The following BMPR1B variants were observed in gnomAD, a reference collection of about 807,000 sequenced individuals.
BMPR1B encodes bone morphogenetic protein receptor type-1B.
BMPR1B carries 12 observed loss-of-function variants against 59.1 expected under a neutral mutation model. The ratio of observed to expected loss-of-function variants is 0.20; its 90% CI spans 0.13 to 0.33. BMPR1B has a LOEUF of 0.33. Among genes scored for constraint, BMPR1B ranks in the 10% least tolerant of loss-of-function variants. The pLI is 1.00. For missense variants in BMPR1B, 550 were observed against 610.9 expected, an observed-to-expected ratio of 0.90 and a Z score of 1.05; for synonymous variants, 237 against 207.3, an observed-to-expected ratio of 1.14 and a Z score of -1.23.
intron 3 of BMPR1B, among the ~76,000 whole-genome samples, chr4:95,084,468 G>T (rs190362576): frequency 7.2e-4 from 110 of 152,220 alleles, no homozygotes; most frequent in African/African-American, 2.6e-3. Flanking sequence ...TAGGCAATGG[G>T]AGGTTAGATG....
At chr4:94,765,201 C>G (rs892150939) in intron 1 of BMPR1B, among the ~76,000 whole-genome samples, 9 of 152,092 alleles carry the variant, frequency 5.9e-5, no homozygotes, top group Admixed American at 4.6e-4. Context: ...GTGCTTTATA[C>G]TATTACCTAA....
At chr4:94,898,206 C>G (rs1727664791) in intron 2 of BMPR1B, among the ~76,000 whole-genome samples, 1 of 152,006 alleles carries the variant, frequency 6.6e-6, no homozygotes, top group Non-Finnish European at 1.5e-5. Context: ...CCTTCCTCAG[C>G]CTCCCAAGGG....
At chr4:95,083,418 CA>C (rs979877500) in intron 3 of BMPR1B, among the ~76,000 whole-genome samples, 9 of 149,992 alleles carry the variant, frequency 6.0e-5, no homozygotes, top group Non-Finnish European at 1.0e-4. Flanking sequence ...GTTGTAGAAG[CA>C]AAAAAAAATT....
intron 10 of BMPR1B, among the ~76,000 whole-genome samples, chr4:95,147,069 T>A (rs1287705625): frequency 6.6e-6 from 1 of 152,186 alleles, no homozygotes; most frequent in African/African-American, 2.4e-5. Flanking sequence ...GTTTTGTTTT[T>A]TAATTACACT....
At chr4:95,151,110 C>T (rs930615269) in intron 11 of BMPR1B, among the ~76,000 whole-genome samples, 8 of 152,202 alleles carry the variant, frequency 5.3e-5, no homozygotes, top group Non-Finnish European at 1.5e-5. Flanking sequence ...CAGATGTAGG[C>T]CTTTCCATCT....
chr4:95,037,119 G>T (rs1313908792), intron 3 of BMPR1B, among the ~76,000 whole-genome samples: 1 of 152,134 alleles, frequency 6.6e-6, no homozygotes, highest in African/African-American at 2.4e-5. Flanking sequence ...AGCTACAGAA[G>T]CTATGAAAGT....
chr4:94,873,919 C>T lies in BMPR1B; in HGVS notation c.-182-1912C>T, dbSNP rs554437137. Among the ~76,000 whole-genome samples the T allele has an allele frequency of 4.6e-5, 7 of 152,184 alleles. No homozygotes were observed. In the East Asian group the frequency reaches 1.4e-3, roughly 29 times the overall value. On this transcript the variant is annotated intron_variant, in intron 1 of 12. Coordinates refer to ENST00000515059, the MANE Select transcript of BMPR1B (RefSeq NM_001203.3). Reference sequence around the variant, plus strand: ...GAAACTCTGGATTAAGCCACAAGCCCCATTTTCTTTTCTTCACGTCCCTGG... The same window carrying T: ...GAAACTCTGGATTAAGCCACAAGCCTCATTTTCTTTTCTTCACGTCCCTGG...
intron 1 of BMPR1B, among the ~76,000 whole-genome samples, chr4:94,780,682 C>CTTTTTTTTTTTTTT (rs869117575): frequency 2.4e-5 from 2 of 82,342 alleles, no homozygotes; most frequent in Admixed American, 1.5e-4. Flanking sequence ...GTATTATTGT[C>CTTTTTTTTTTTTTT]TTTTTTTTTT....
At chr4:95,096,498 T>A (rs1730382548) in intron 3 of BMPR1B, among the ~76,000 whole-genome samples, 1 of 151,086 alleles carries the variant, frequency 6.6e-6, no homozygotes, top group African/African-American at 2.4e-5. Flanking sequence ...GTATTATTCC[T>A]TATAAGAATC....
At position 95,061,629 on chromosome 4, in the gene BMPR1B, G is replaced by GT. The variant is rs375775454; in HGVS notation, c.-17-42777dup. Reference sequence around the variant, plus strand: ...AGCGAAGAAAATGAAGCAGAAAGTTGTTAGGTGAATTGTTTAAAGTCTCAC... The same window carrying GT: ...AGCGAAGAAAATGAAGCAGAAAGTTGTTTAGGTGAATTGTTTAAAGTCTCAC... On this transcript the variant is annotated intron_variant, in intron 3 of 12. Transcript: ENST00000515059. 3.7e-3 allele frequency among the ~76,000 whole-genome samples: 558 copies of GT among 152,308 alleles called. 5 individuals carry two copies. Among genetic ancestry groups the GT allele is most frequent in the African/African-American group, 0.013 (542 of 41,578 alleles).
intron 2 of BMPR1B, among the ~76,000 whole-genome samples, chr4:94,907,210 A>C (rs1387365000): frequency 6.6e-6 from 1 of 152,062 alleles, no homozygotes; most frequent in Non-Finnish European, 1.5e-5. Flanking sequence ...GTGTATTCTG[A>C]CACACTCCTT....
At chr4:95,082,791 C>T (rs1729261472) in intron 3 of BMPR1B, among the ~76,000 whole-genome samples, 1 of 152,056 alleles carries the variant, frequency 6.6e-6, no homozygotes, top group South Asian at 2.1e-4. Context: ...GTAATCCCAG[C>T]ACTTTGGGAG....
At chr4:94,794,731 T>A (rs908705956) in intron 1 of BMPR1B, among the ~76,000 whole-genome samples, 1 of 152,018 alleles carries the variant, frequency 6.6e-6, no homozygotes, top group African/African-American at 2.4e-5. Flanking sequence ...AAGAGGTCCT[T>A]CACATCCCTT....
At chr4:94,885,532 A>T (rs551420194) in intron 2 of BMPR1B, among the ~76,000 whole-genome samples, 1 of 152,166 alleles carries the variant, frequency 6.6e-6, no homozygotes, top group Non-Finnish European at 1.5e-5. Flanking sequence ...TAACATATTT[A>T]TCACCAGGGA....
intron 2 of BMPR1B, among the ~76,000 whole-genome samples, chr4:94,941,550 G>T (rs558577830): frequency 2.7e-4 from 41 of 151,960 alleles, no homozygotes; most frequent in African/African-American, 8.9e-4. Context: ...ATTTTTATTT[G>T]CAAAATAAAG....
chr4:95,089,346 G>A (rs1335826256), intron 3 of BMPR1B, among the ~76,000 whole-genome samples: 2 of 151,992 alleles, frequency 1.3e-5, no homozygotes, highest in African/African-American at 4.8e-5. Flanking sequence ...TGTTTATTGG[G>A]AGAGCCCATA....
At chr4:95,023,499 G>A (rs762106995) in intron 3 of BMPR1B, among the ~76,000 whole-genome samples, 3 of 151,796 alleles carry the variant, frequency 2.0e-5, no homozygotes, top group African/African-American at 7.3e-5. Context: ...CTTCTGTCTC[G>A]GCATCCCAAA....
chr4:94,808,864 G>A (rs964959856), intron 1 of BMPR1B, among the ~76,000 whole-genome samples: 5 of 152,048 alleles, frequency 3.3e-5, no homozygotes, highest in Non-Finnish European at 5.9e-5. Flanking sequence ...AGACCAGCTC[G>A]GCCAACATGG....
intron 3 of BMPR1B, among the ~76,000 whole-genome samples, chr4:95,045,997 A>T (rs961485594): frequency 6.6e-6 from 1 of 152,226 alleles, no homozygotes; most frequent in African/African-American, 2.4e-5. Flanking sequence ...GTATACTTCT[A>T]CTTCAAATGC....
Sources: allele counts gnomAD v4.1 joint callset (sites outside exome capture counted in the v4.1 genomes callset), GRCh38; gene constraint gnomAD v4.1.1; transcripts MANE v1.5; gene names NCBI Gene and HGNC (gene_info 2026-07-23, HGNC 2026-07-21).